DEFB112: variants seen among roughly 807,000 people sequenced by gnomAD.
DEFB112 encodes beta-defensin 112.
DEFB112 carries 2 observed loss-of-function variants against 1.1 expected under a neutral mutation model. The observed-to-expected ratio is 1.85, with a 90% CI of 0.76 to 5.83. DEFB112 has a LOEUF of 5.83. Ranked by LOEUF, DEFB112 falls within the 30% of genes most tolerant of loss-of-function variation. The probability of loss-of-function intolerance (pLI) is 0.05; values close to 1 mark genes in which losing one functional copy is unlikely to be tolerated. For missense variants in DEFB112, 120 were observed against 94.4 expected (o/e 1.27, Z -1.12); for synonymous variants, 40 against 31.2 (o/e 1.28, Z -0.93).
intron 1 of DEFB112, among the ~76,000 whole-genome samples, chr6:50,048,252 T>C (rs1046137008): frequency 6.6e-6 from 1 of 152,204 alleles, no homozygotes; most frequent in Non-Finnish European, 1.5e-5. Context: ...AAAGTAATAA[T>C]GTTGCTGAGA....
chr6:50,048,550 CTCTG>C (rs1774874477), intron 1 of DEFB112: 45 of 1,613,308 alleles, frequency 2.8e-5, no homozygotes, highest in Non-Finnish European at 3.8e-5. Context: ...TGCTGATTTT[CTCTG>C]TCCCATGTCG....
intron 1 of DEFB112, among the ~76,000 whole-genome samples, chr6:50,047,089 C>T (rs997313951): frequency 6.6e-6 from 1 of 152,140 alleles, no homozygotes; most frequent in African/African-American, 2.4e-5. Flanking sequence ...GCCAGCCTAG[C>T]TCTAGAGAAA....
At chr6:50,048,688 G>A (rs2113960166) in intron 1 of DEFB112, 1 of 1,467,170 alleles carries the variant, frequency 6.8e-7, no homozygotes, top group Non-Finnish European at 9.4e-7. Flanking sequence ...TCACTGTAAA[G>A]TGAAAAAATT....
chr6:50,046,081 T>C (rs573227024), intron 1 of DEFB112, among the ~76,000 whole-genome samples: 80 of 152,254 alleles, frequency 5.3e-4, no homozygotes, highest in African/African-American at 1.9e-3. Flanking sequence ...CTAATGTAAG[T>C]ATTCTGAGCA....
intron 1 of DEFB112, chr6:50,048,735 A>G: frequency 1.0e-6 from 1 of 967,972 alleles, no homozygotes; most frequent in Non-Finnish European, 1.6e-6. Context: ...TTCAGAAATA[A>G]GGACACAAAT....
chr6:50,043,402 T>A lies in DEFB112; in HGVS notation c.*173A>T, dbSNP rs1774777354. ...TTCAAATCCCTGCTTTGTATTCTGA[T>A]TCTTTCTTCTAAGCAAGCACAATGT... On this transcript the variant is annotated 3_prime_UTR_variant, in exon 2 of 2. Transcript: ENST00000651554. 6.6e-6 allele frequency among the ~76,000 whole-genome samples: 1 copy of A among 152,210 alleles called. No homozygotes were observed. Among genetic ancestry groups the A allele is most frequent in the South Asian group, 2.1e-4 (1 of 4,828 alleles).
intron 1 of DEFB112, among the ~76,000 whole-genome samples, chr6:50,044,011 A>G (rs1235257666): frequency 6.6e-6 from 1 of 152,124 alleles, no homozygotes; most frequent in Non-Finnish European, 1.5e-5. Flanking sequence ...TGCAGTTTAA[A>G]TAATTCTGTA....
At chr6:50,049,066 T>A (rs987728573) in intron 1 of DEFB112, among the ~76,000 whole-genome samples, 2 of 152,028 alleles carry the variant, frequency 1.3e-5, no homozygotes, top group Non-Finnish European at 2.9e-5. Flanking sequence ...AGAAGAAAAA[T>A]TATTATCTGA....
intron 1 of DEFB112, among the ~76,000 whole-genome samples, chr6:50,049,257 A>G (rs1445003339): frequency 1.3e-5 from 2 of 152,132 alleles, no homozygotes; most frequent in African/African-American, 4.8e-5. Context: ...CAATACTGAA[A>G]GATATCTTGA....
At chr6:50,046,575 T>G (rs1774838276) in intron 1 of DEFB112, among the ~76,000 whole-genome samples, 1 of 152,114 alleles carries the variant, frequency 6.6e-6, no homozygotes. Flanking sequence ...TGATTGCAAG[T>G]GAGGATGAGC....
intron 1 of DEFB112, among the ~76,000 whole-genome samples, chr6:50,046,182 T>A (rs918583343): frequency 1.3e-5 from 2 of 151,952 alleles, no homozygotes; most frequent in Admixed American, 6.6e-5. Flanking sequence ...ACTCAAAATG[T>A]CTTTATCAAG....
At chr6:50,049,327 A>G (rs1394017598) in intron 1 of DEFB112, among the ~76,000 whole-genome samples, 2 of 152,148 alleles carry the variant, frequency 1.3e-5, no homozygotes, top group African/African-American at 2.4e-5. Context: ...TGAGCAGTAG[A>G]CAAGTGCAGC....
intron 1 of DEFB112, chr6:50,048,583 G>A: frequency 6.2e-7 from 1 of 1,613,506 alleles, no homozygotes; most frequent in Non-Finnish European, 8.5e-7. Context: ...CAAATATTGT[G>A]GAAGATGTAT....
chr6:50,046,943 C>T (rs1408487), intron 1 of DEFB112, among the ~76,000 whole-genome samples: 8,087 of 152,220 alleles, frequency 0.053, 278 homozygotes, highest in Non-Finnish European at 0.08. Flanking sequence ...CTGTATCCAC[C>T]GAGGCTGGCC....
intron 1 of DEFB112, among the ~76,000 whole-genome samples, chr6:50,045,690 A>G (rs1233023085): frequency 6.6e-6 from 1 of 152,130 alleles, no homozygotes; most frequent in Non-Finnish European, 1.5e-5. Flanking sequence ...ACAAATCTAG[A>G]TGGTACAACC....
chr6:50,043,506 C>A lies in DEFB112; in HGVS notation c.*69G>T. On this transcript the variant is annotated 3_prime_UTR_variant, in exon 2 of 2. Transcript: ENST00000651554. Reference sequence around the variant, plus strand: ...GTATGCATGCATGGAAATTATAGGTCATTAATGAAGTGATGAAATAATGAG... The same window carrying A: ...GTATGCATGCATGGAAATTATAGGTAATTAATGAAGTGATGAAATAATGAG... The A allele has an allele frequency of 8.5e-7, 1 of 1,178,472 alleles. No homozygotes were observed. The highest frequency in any genetic ancestry group is 1.9e-5 in the Admixed American group (1 of 52,122). The allele number at this position is 1,178,472 out of a possible 1,614,324, so 73.0% of individuals were successfully genotyped here. A position where few individuals can be genotyped will look rare whatever the true frequency, so the allele number is the denominator to read the frequency against.
intron 1 of DEFB112, among the ~76,000 whole-genome samples, chr6:50,046,314 C>G (rs912934986): frequency 2.8e-5 from 4 of 145,108 alleles, no homozygotes; most frequent in Non-Finnish European, 6.0e-5. Flanking sequence ...AATTTATATT[C>G]ATAAAATTGA....
rs184987233 is a variant in DEFB112 at position 50,048,112 on chromosome 6, A to C, written c.58+1700T>G. On this transcript the variant is annotated intron_variant, in intron 1 of 1. Coordinates refer to ENST00000651554, the MANE Select transcript of DEFB112 (RefSeq NM_001369057.2). The stretch of plus-strand genomic sequence containing the variant: ...CAGTGATCCAAGATAGTGTCATTGC[A>C]CTCCAGCCTGGGCAACAAGAGTGAA... Among the ~76,000 whole-genome samples, 3 of 151,364 alleles carry C rather than the reference A, an allele frequency of 2.0e-5. No individual in the cohort carries two copies. In the East Asian group the frequency reaches 5.8e-4, roughly 29 times the overall value.
chr6:50,049,703 A>T (rs1054022729), intron 1 of DEFB112, among the ~76,000 whole-genome samples, 109 bp downstream of exon 1: 7 of 152,138 alleles, frequency 4.6e-5, no homozygotes, highest in African/African-American at 1.7e-4. Flanking sequence ...ATGTAACATG[A>T]TGATGGTATT....
Sources: allele counts gnomAD v4.1 joint callset (sites outside exome capture counted in the v4.1 genomes callset), GRCh38; gene constraint gnomAD v4.1.1; transcripts MANE v1.5; gene names NCBI Gene and HGNC (gene_info 2026-07-23, HGNC 2026-07-21).